The following PCM1 variants were observed in gnomAD, a reference collection of about 807,000 sequenced individuals.
The protein encoded by PCM1 is pericentriolar material 1, also known as pericentriolar material 1 protein.
A neutral mutation model predicts 241.9 loss-of-function variants in PCM1; 157 were observed. That is an observed-to-expected ratio of 0.65 (90% CI 0.57 to 0.74). The LOEUF is 0.74. Among genes scored for constraint, PCM1 ranks in the 30% least tolerant of loss-of-function variants. The pLI is 0.00. For synonymous variants in PCM1, 1,085 were observed against 784.9 expected (o/e 1.38, Z -6.39); for missense variants, 3,478 against 2,360.1 (o/e 1.47, Z -9.81).
intron 36 of PCM1, among the ~76,000 whole-genome samples, chr8:18,019,330 C>CCT (rs1223596996): frequency 6.6e-6 from 1 of 152,160 alleles, no homozygotes; most frequent in Non-Finnish European, 1.5e-5. Context: ...GAGCGGCTGT[C>CCT]CTCAGCCTTT....
intron 29 of PCM1, among the ~76,000 whole-genome samples, chr8:18,003,921 C>T (rs1215617244): frequency 6.6e-6 from 1 of 151,724 alleles, no homozygotes; most frequent in Non-Finnish European, 1.5e-5. Context: ...TAAAGTATTG[C>T]CTTTTTGCTT....
In PCM1 at chr8:17,972,427, T is replaced by A. The variant is rs779718427; in HGVS notation, c.3683T>A (p.Phe1228Tyr). ...EVEKPFIKTG[F>Y]SVSVEKSTSS... ...GAGAAACCATTTATCAAGACTGGAT[T>A]TTCAGTGTCTGTAGAAAAATCTACA... Residue 1228 changes from phenylalanine (F) to tyrosine (Y), a missense_variant, in exon 23 of 39, where the codon TTT becomes TAT. Transcript: ENST00000325083. 29 of 1,612,460 alleles carry A rather than the reference T, an allele frequency of 1.8e-5. 1 individual carries two copies. The South Asian group carries it at 3.2e-4, about 18-fold the overall frequency.
At chr8:17,940,602 C>G (rs556970109) in intron 6 of PCM1, among the ~76,000 whole-genome samples, 5 of 152,240 alleles carry the variant, frequency 3.3e-5, no homozygotes, top group African/African-American at 4.8e-5. Context: ...TTTTTGGGCT[C>G]TATCCTAGTA....
At chr8:17,954,438 A>AG (rs1232513031) in intron 9 of PCM1, among the ~76,000 whole-genome samples, 1 of 151,988 alleles carries the variant, frequency 6.6e-6, no homozygotes, top group African/African-American at 2.4e-5. Context: ...AAAAAAAAAA[A>AG]AAAAGAAAAG....
intron 16 of PCM1, 78 bp downstream of exon 16, chr8:17,962,252 A>G (rs208060): frequency 0.58 from 740,024 of 1,270,826 alleles, 222,133 homozygotes; most frequent in Non-Finnish European, 0.63. Flanking sequence ...GCACATCTCA[A>G]GAAAGGAAAC....
intron 6 of PCM1, among the ~76,000 whole-genome samples, chr8:17,942,466 T>A (rs1041626242): frequency 2.0e-5 from 3 of 151,452 alleles, no homozygotes; most frequent in African/African-American, 7.3e-5. Flanking sequence ...AAAAAAAAAA[T>A]AATGAAATAA....
At chr8:17,923,460 C>T (rs911737675) in intron 1 of PCM1, among the ~76,000 whole-genome samples, 1 of 152,204 alleles carries the variant, frequency 6.6e-6, no homozygotes, top group Non-Finnish European at 1.5e-5. Flanking sequence ...GCCCCTCCTG[C>T]TGGCCCTGTC....
In PCM1 at chr8:17,947,294, G is replaced by C; in HGVS notation, c.892G>C (p.Gly298Arg). 1 of 1,612,728 alleles carries C rather than the reference G, an allele frequency of 6.2e-7. No individual in the cohort carries two copies. The highest frequency in any genetic ancestry group is 8.5e-7 in the Non-Finnish European group (1 of 1,179,122). The part of the protein sequence containing the change: ...QQQEQLRALQ[G>R]RQAALLALQH... ...GCAGGAGCAACTAAGAGCTCTACAG[G>C]GACGGCAGGCTGCACTTCTAGCTCT... Residue 298 changes from glycine (G) to arginine (R), a missense_variant, in exon 7 of 39, where the codon GGA becomes CGA. Coordinates refer to ENST00000325083, the MANE Select transcript of PCM1 (RefSeq NM_006197.4).
At chr8:17,953,217 A>G (rs1203378735) in intron 9 of PCM1, 31 bp downstream of exon 9, 8 of 1,183,626 alleles carry the variant, frequency 6.8e-6, no homozygotes, top group Admixed American at 2.0e-5. Context: ...AGTATTGGGT[A>G]TAAGACACAC....
intron 36 of PCM1, among the ~76,000 whole-genome samples, chr8:18,015,214 AAACAGTTTGAC>A (rs1282972510): frequency 6.6e-6 from 1 of 151,770 alleles, no homozygotes; most frequent in East Asian, 1.9e-4. Flanking sequence ...ATAGGAAATA[AAACAGTTTGAC>A]AACAGAATCT....
intron 38 of PCM1, among the ~76,000 whole-genome samples, chr8:18,026,498 A>G (rs754676312): frequency 1.5e-4 from 23 of 151,784 alleles, no homozygotes; most frequent in Non-Finnish European, 3.1e-4. Flanking sequence ...TGACCTCGTG[A>G]TCCGCCTGCC....
rs1285761597 is a variant in PCM1, at chr8:18,018,903, T to C, written c.5841+4063T>C. ...ATACACACACATATACATACACATA[T>C]ATATATATAAATATATAACATATAA... is the stretch of plus-strand genomic sequence containing the variant. On this transcript the variant is annotated intron_variant, in intron 36 of 38. Coordinates refer to ENST00000325083, the MANE Select transcript of PCM1 (RefSeq NM_006197.4). Among the ~76,000 whole-genome samples, 693 of 128,372 alleles carry C rather than the reference T, an allele frequency of 5.4e-3. 14 individuals carry two copies. Among genetic ancestry groups the C allele is most frequent in the East Asian group, 0.019 (80 of 4,250 alleles). 84.2% of individuals were successfully genotyped at this position (128,372 alleles called of 152,430 possible).
At chr8:17,971,101 T>G (rs982925274) in intron 22 of PCM1, among the ~76,000 whole-genome samples, 1 of 152,246 alleles carries the variant, frequency 6.6e-6, no homozygotes, top group Non-Finnish European at 1.5e-5. Flanking sequence ...ACTTTATTTA[T>G]GGGCACAGAA....
chr8:17,939,469 G>A (rs1286015894), intron 5 of PCM1, among the ~76,000 whole-genome samples: 1 of 152,050 alleles, frequency 6.6e-6, no homozygotes, highest in Admixed American at 6.5e-5. Flanking sequence ...ATGTATTTTT[G>A]AATTGACAGT....
At chr8:17,971,982 C>T (rs1192628891) in intron 22 of PCM1, among the ~76,000 whole-genome samples, 1 of 152,060 alleles carries the variant, frequency 6.6e-6, no homozygotes, top group Admixed American at 6.6e-5. Context: ...TGGGCTCAAG[C>T]ATTCCTCCTG....
At chr8:17,998,550 G>A (rs1217840524) in intron 29 of PCM1, among the ~76,000 whole-genome samples, 1 of 152,172 alleles carries the variant, frequency 6.6e-6, no homozygotes, top group Non-Finnish European at 1.5e-5. Flanking sequence ...GAGCTGGATG[G>A]AGATGGGGTG....
intron 23 of PCM1, 30 bp from the exon 24 acceptor site, chr8:17,980,561 T>G (rs1276157760): frequency 1.3e-6 from 2 of 1,551,170 alleles, no homozygotes; most frequent in African/African-American, 1.4e-5. Context: ...TAGTTGCAAC[T>G]GATAACAGTT....
intron 2 of PCM1, among the ~76,000 whole-genome samples, chr8:17,930,724 A>G (rs191141763): frequency 3.2e-3 from 484 of 151,968 alleles, no homozygotes; most frequent in Non-Finnish European, 5.2e-3. Context: ...TAAAGATACA[A>G]CAAAAATTAG....
chr8:17,987,223 A>G (rs1353426415), intron 26 of PCM1, among the ~76,000 whole-genome samples: 2 of 152,020 alleles, frequency 1.3e-5, no homozygotes, highest in Middle Eastern at 3.4e-3. Context: ...AAAATTGTGT[A>G]TTCCTTTTTG....
Sources: allele counts gnomAD v4.1 joint callset (sites outside exome capture counted in the v4.1 genomes callset), GRCh38; gene constraint gnomAD v4.1.1; transcripts MANE v1.5; gene names NCBI Gene and HGNC (gene_info 2026-07-23, HGNC 2026-07-21).